Variants in AFF3 observed in about 807,000 individuals in gnomAD.
The protein encoded by AFF3 is ALF transcription elongation factor 3.
A neutral mutation model predicts 129.7 loss-of-function variants in AFF3; 32 were observed. That is an observed-to-expected ratio of 0.25 (90% CI 0.19 to 0.33). The LOEUF is 0.33. Among genes scored for constraint, AFF3 ranks in the 10% least tolerant of loss-of-function variants. The probability of loss-of-function intolerance (pLI) is 1.00; values close to 1 mark genes in which losing one functional copy is unlikely to be tolerated. For synonymous variants in AFF3, 644 were observed against 635.4 expected, an observed-to-expected ratio of 1.01 and a Z score of -0.20; for missense variants, 1,373 against 1,592.0, an observed-to-expected ratio of 0.86 and a Z score of 2.34.
intron 4 of AFF3, among the ~76,000 whole-genome samples, chr2:100,073,019 CG>C (rs1667202200): frequency 1.3e-5 from 2 of 152,168 alleles, no homozygotes; most frequent in African/African-American, 4.8e-5. Context: ...TAAAGGCCAA[CG>C]CTGTGAGTGT....
At chr2:99,950,470 G>C (rs1310833017) in intron 7 of AFF3, among the ~76,000 whole-genome samples, 1 of 152,166 alleles carries the variant, frequency 6.6e-6, no homozygotes. Context: ...TAAAGTCACT[G>C]TATTCTGTAT....
rs546528984 is a variant in AFF3, at chr2:99,967,870, A to T, written c.873+38762T>A. Reference sequence around the variant, plus strand: ...CTGTGTGTGCCTACGCTCTTGCAACAGTTTCCTAGCTGGTGTCCCTGACTG... The same window carrying T: ...CTGTGTGTGCCTACGCTCTTGCAACTGTTTCCTAGCTGGTGTCCCTGACTG... On this transcript the variant is annotated intron_variant, in intron 7 of 24. Transcript: ENST00000672756. 1.1e-4 allele frequency among the ~76,000 whole-genome samples: 16 copies of T among 152,316 alleles called. No individual in the cohort carries two copies. The South Asian group carries it at 2.7e-3, about 26-fold the overall frequency.
intron 7 of AFF3, among the ~76,000 whole-genome samples, chr2:99,950,069 C>T (rs1675998802): frequency 6.6e-6 from 1 of 152,196 alleles, no homozygotes; most frequent in African/African-American, 2.4e-5. Flanking sequence ...AATTCTAAAA[C>T]ATCCAATCTC....
chr2:99,546,178 T>C lies in AFF3; in HGVS notation c.*5296A>G. The C allele has an allele frequency of 4.3e-6, 1 of 230,356 alleles. No homozygotes were observed. The highest frequency in any genetic ancestry group is 8.6e-6 in the Non-Finnish European group (1 of 116,214). The allele number at this position is 230,356 out of a possible 1,614,324, so 14.3% of individuals were successfully genotyped here. On this transcript the variant is annotated 3_prime_UTR_variant, in exon 25 of 25. Transcript: ENST00000672756. ...TCGAAAATGTATTACTTTTTACAAATATAATTCTTATAGGGACAGACTTCA... is the reference window on the plus strand; with the variant it reads ...TCGAAAATGTATTACTTTTTACAAACATAATTCTTATAGGGACAGACTTCA...
chr2:100,110,533 A>C (rs556446848), intron 2 of AFF3, among the ~76,000 whole-genome samples: 1 of 152,358 alleles, frequency 6.6e-6, no homozygotes, highest in South Asian at 2.1e-4. Flanking sequence ...AAATGCAGCA[A>C]TTATGGCTTA....
intron 7 of AFF3, among the ~76,000 whole-genome samples, chr2:99,980,053 T>A (rs944976091): frequency 7.2e-5 from 11 of 151,968 alleles, no homozygotes; most frequent in Admixed American, 1.3e-4. Flanking sequence ...CCATTTTTTT[T>A]AATGTGAAAA....
intron 13 of AFF3, among the ~76,000 whole-genome samples, chr2:99,615,495 C>T (rs1681331323): frequency 6.6e-6 from 1 of 152,250 alleles, no homozygotes; most frequent in South Asian, 2.1e-4. Flanking sequence ...GAGAGAACCT[C>T]AAGCAGGGAA....
chr2:100,140,880 C>G (rs1692841678), intron 1 of AFF3, among the ~76,000 whole-genome samples: 2 of 152,108 alleles, frequency 1.3e-5, no homozygotes, highest in Non-Finnish European at 2.9e-5. Context: ...AAGTGTCACC[C>G]CCCAAACCCA....
intron 7 of AFF3, among the ~76,000 whole-genome samples, chr2:99,917,449 A>T (rs148669388): frequency 6.6e-6 from 1 of 152,168 alleles, no homozygotes; most frequent in Non-Finnish European, 1.5e-5. Context: ...ACTAACACTT[A>T]TAACAGGGAA....
chr2:100,028,146 A>G (rs1684198806), intron 4 of AFF3, among the ~76,000 whole-genome samples: 1 of 152,228 alleles, frequency 6.6e-6, no homozygotes, highest in Admixed American at 6.5e-5. Context: ...GTAATATTCA[A>G]TACCAGTGAC....
chr2:99,980,595 G>A (rs1484752526), intron 7 of AFF3, among the ~76,000 whole-genome samples: 3 of 152,126 alleles, frequency 2.0e-5, no homozygotes, highest in Non-Finnish European at 4.4e-5. Context: ...CAGAGAGCCA[G>A]GTATTTTCTT....
intron 13 of AFF3, among the ~76,000 whole-genome samples, chr2:99,621,829 G>A (rs1682045998): frequency 6.6e-6 from 1 of 152,118 alleles, no homozygotes; most frequent in South Asian, 2.1e-4. Context: ...AGAGAAGGGG[G>A]CAAGCTCCAG....
chr2:99,586,009 G>A (rs1036933299), intron 16 of AFF3, among the ~76,000 whole-genome samples: 2 of 152,166 alleles, frequency 1.3e-5, no homozygotes, highest in Non-Finnish European at 2.9e-5. Flanking sequence ...GATTACAGGC[G>A]TGAGCCACCG....
At chr2:99,814,592 G>A (rs536952011) in intron 8 of AFF3, among the ~76,000 whole-genome samples, 1 of 152,144 alleles carries the variant, frequency 6.6e-6, no homozygotes, top group African/African-American at 2.4e-5. Context: ...AATCTCCAAT[G>A]CCAGCTCACA....
Position 99,593,372 on chromosome 2 carries a change from G to C in AFF3, c.2289C>G (p.Ile763Met), listed in dbSNP as rs1331056556. The change falls in exon 15 of 25, where the codon ATC (isoleucine) becomes ATG (methionine). Residue 763 changes from isoleucine (I) to methionine (M), a missense_variant. Ile to Met is a conservative substitution (Grantham distance 10, BLOSUM62 1). Coordinates refer to ENST00000672756, the MANE Select transcript of AFF3 (RefSeq NM_001386135.1). ...LLSPLKDSDE[I>M]RSLWVKIDLT... ...GGTCGATTTTGACCCAGAGAGACCT[G>C]ATCTCATCACTGTCCTTTAGAGGGG... is the stretch of plus-strand genomic sequence containing the variant. The C allele has an allele frequency of 6.2e-7, 1 of 1,613,946 alleles. No individual in the cohort carries two copies. The highest frequency in any genetic ancestry group is 8.5e-7 in the Non-Finnish European group (1 of 1,180,012).
chr2:99,862,379 C>T (rs1252767607), intron 7 of AFF3, among the ~76,000 whole-genome samples: 1 of 152,194 alleles, frequency 6.6e-6, no homozygotes, highest in Non-Finnish European at 1.5e-5. Context: ...CCAAAATGTG[C>T]TGAACTTTTT....
chr2:99,755,271 T>TG (rs1303245439), intron 8 of AFF3, among the ~76,000 whole-genome samples: 1 of 141,886 alleles, frequency 7.0e-6, no homozygotes, highest in African/African-American at 2.5e-5. Flanking sequence ...TATTTTCCTA[T>TG]TTTTTTTTTT....
chr2:100,085,982 C>A (rs1689394724), intron 4 of AFF3, among the ~76,000 whole-genome samples: 1 of 152,100 alleles, frequency 6.6e-6, no homozygotes, highest in Non-Finnish European at 1.5e-5. Flanking sequence ...GGCTACTTGG[C>A]AGATCTTGTG....
At chr2:100,047,161 G>A (rs75306866) in intron 4 of AFF3, among the ~76,000 whole-genome samples, 124 of 152,326 alleles carry the variant, frequency 8.1e-4, no homozygotes, top group African/African-American at 2.7e-3. Flanking sequence ...TGGATGGCTC[G>A]GATCTAGGGC....
Sources: gnomAD v4.1 joint callset for allele counts (sites outside exome capture counted in the v4.1 genomes callset) on GRCh38, gnomAD v4.1.1 for gene constraint, MANE v1.5 for transcripts, NCBI Gene and HGNC (gene_info 2026-07-23, HGNC 2026-07-21) for gene names.